PIWIL2: variants seen among roughly 807,000 people sequenced by gnomAD.
The protein encoded by PIWIL2 is piwi-like protein 2.
PIWIL2 carries 81 observed loss-of-function variants against 116.5 expected under a neutral mutation model. The observed-to-expected ratio is 0.70, with a 90% confidence interval of 0.58 to 0.84. The LOEUF (loss-of-function observed/expected upper bound fraction) is 0.84, where lower values mean the gene tolerates loss of function less well. Ranked by LOEUF, PIWIL2 falls within the 40% of genes least tolerant of loss-of-function variation. PIWIL2 has a pLI of 0.00. For synonymous variants in PIWIL2, 489 were observed against 429.5 expected (o/e 1.14, Z -1.71); for missense variants, 1,272 against 1,212.3 (o/e 1.05, Z -0.73).
At chr8:22,322,025 T>G (rs1422818131) in intron 20 of PIWIL2, 6 of 980,014 alleles carry the variant, frequency 6.1e-6, no homozygotes, top group Non-Finnish European at 7.3e-6. Context: ...GTTTTGGTTT[T>G]TTTTTTTGTA....
chr8:22,301,374 C>CGGTA (rs1330985756), intron 10 of PIWIL2, among the ~76,000 whole-genome samples: 1 of 152,068 alleles, frequency 6.6e-6, no homozygotes, highest in Admixed American at 6.6e-5. Flanking sequence ...TCTCAGCTCA[C>CGGTA]GGTAGCCTCT....
chr8:22,287,600 T>G lies in PIWIL2; in HGVS notation c.816T>G (p.Thr272=), dbSNP rs752190438. The part of the protein sequence containing the change: ...KDHQAVTGNV[T]AFDGSILYLP... ...ATCAAGCTGTCACCGGCAACGTCACTGCGTTTGATGGATCTATTCTCTATC... is the reference window on the plus strand; with the variant it reads ...ATCAAGCTGTCACCGGCAACGTCACGGCGTTTGATGGATCTATTCTCTATC... Residue 272 remains threonine, a synonymous_variant, in exon 7 of 23, where the codon ACT becomes ACG. Transcript: ENST00000356766. The G allele has an allele frequency of 1.6e-5, 26 of 1,613,288 alleles. No homozygotes were observed. Among genetic ancestry groups the G allele is most frequent in the Non-Finnish European group, 2.2e-5 (26 of 1,179,292 alleles).
chr8:22,279,191 A>G, intron 1 of PIWIL2, 150 bp from the exon 2 acceptor site: 1 of 579,282 alleles, frequency 1.7e-6, no homozygotes, highest in South Asian at 2.0e-5. Flanking sequence ...AGAATATTAC[A>G]GATCAAATAG....
chr8:22,337,316 A>G (rs979629287), intron 20 of PIWIL2, among the ~76,000 whole-genome samples: 2 of 152,206 alleles, frequency 1.3e-5, no homozygotes, highest in African/African-American at 4.8e-5. Flanking sequence ...TGAAGATACA[A>G]GATCAGTATA....
At position 22,330,622 on chromosome 8, in the gene PIWIL2, G is replaced by A. The variant is rs543035061; in HGVS notation, c.2403+12347G>A. On this transcript the variant is annotated intron_variant, in intron 20 of 22. Coordinates refer to ENST00000356766, the MANE Select transcript of PIWIL2 (RefSeq NM_018068.5). The stretch of plus-strand genomic sequence containing the variant: ...TGAAGCAGGAGAACTGCTTGAACCT[G>A]GGAGGCGGAGGTTGCAGTGAGCCGA... 4.6e-5 allele frequency among the ~76,000 whole-genome samples: 7 copies of A among 151,658 alleles called. No individual in the cohort carries two copies. The South Asian group carries it at 1.5e-3, about 32-fold the overall frequency.
At chr8:22,351,472 T>TAC (rs1328432690) in intron 20 of PIWIL2, among the ~76,000 whole-genome samples, 3 of 108,014 alleles carry the variant, frequency 2.8e-5, no homozygotes, top group African/African-American at 1.1e-4. Flanking sequence ...TATATATATA[T>TAC]ATATATATAT....
chr8:22,344,389 T>C (rs945954528), intron 20 of PIWIL2, among the ~76,000 whole-genome samples: 3 of 152,172 alleles, frequency 2.0e-5, no homozygotes, highest in Non-Finnish European at 4.4e-5. Context: ...CATAATGCAA[T>C]ATGATAACAA....
rs199910212 is a variant in PIWIL2, at chr8:22,281,374, C to T, written c.287-3C>T. On this transcript the variant is annotated splice_polypyrimidine_tract_variant and splice_region_variant and intron_variant, in intron 3 of 22. Coordinates refer to ENST00000356766, the MANE Select transcript of PIWIL2 (RefSeq NM_018068.5). ...ATTGCTGGGGTTCGGTTCTTTCTTT[C>T]AGGTAGAGGCATTTTAGGTCGAGGC... The T allele has an allele frequency of 7.3e-5, 118 of 1,607,144 alleles. No individual in the cohort carries two copies. The highest frequency in any genetic ancestry group is 9.1e-5 in the Non-Finnish European group (107 of 1,178,466).
chr8:22,307,738 C>T (rs1181151101), intron 13 of PIWIL2, among the ~76,000 whole-genome samples, 195 bp from the exon 14 acceptor site: 1 of 152,090 alleles, frequency 6.6e-6, no homozygotes, highest in Non-Finnish European at 1.5e-5. Context: ...CCACCCACCT[C>T]ATCCTTCCAA....
In PIWIL2 at chr8:22,323,033, C is replaced by T. The variant is rs577098577; in HGVS notation, c.2403+4758C>T. 4.2e-4 allele frequency among the ~76,000 whole-genome samples: 64 copies of T among 151,714 alleles called. 1 individual carries two copies. The highest frequency in any genetic ancestry group is 1.5e-3 in the African/African-American group (64 of 41,354). ...CCCGGTTCAAGCACTTCTGCCTCAG[C>T]CTTCCGAGTAGCTGGGACCACAGGC... On this transcript the variant is annotated intron_variant, in intron 20 of 22. Transcript: ENST00000356766.
Position 22,315,047 on chromosome 8 carries a change from AT to A in PIWIL2, c.2112del (p.Ile704MetfsTer33). 1 of 1,612,696 alleles carries A rather than the reference AT, an allele frequency of 6.2e-7. No individual in the cohort carries two copies. Among genetic ancestry groups the A allele is most frequent in the Non-Finnish European group, 8.5e-7 (1 of 1,178,746 alleles). The stretch of plus-strand genomic sequence containing the variant: ...ATTATAGGTTGTCAATGTTCGAACC[AT>A]TGGTCAGCCCACCAGGCTTCGGAGT... Reference protein sequence around the residue: ...VPSQVVNVRTIGQPTRLRSVA... With the variant: ...VPSQVVNVRTXGQPTRLRSVA... On this transcript the variant is annotated frameshift_variant, in exon 18 of 23. Coordinates refer to ENST00000356766, the MANE Select transcript of PIWIL2 (RefSeq NM_018068.5). LOFTEE classifies it high-confidence loss of function.
chr8:22,334,060 G>A (rs773972088), intron 20 of PIWIL2, among the ~76,000 whole-genome samples: 20 of 150,950 alleles, frequency 1.3e-4, no homozygotes, highest in Non-Finnish European at 2.2e-4. Flanking sequence ...TGCAACCTCC[G>A]CCTTGTGGGT....
At chr8:22,344,450 G>A (rs1403873181) in intron 20 of PIWIL2, among the ~76,000 whole-genome samples, 1 of 152,154 alleles carries the variant, frequency 6.6e-6, no homozygotes, top group African/African-American at 2.4e-5. Context: ...AGGGCATATG[G>A]GAACTCTGTT....
intron 20 of PIWIL2, among the ~76,000 whole-genome samples, chr8:22,342,990 C>G (rs1586595654): frequency 6.6e-6 from 1 of 152,098 alleles, no homozygotes; most frequent in South Asian, 2.1e-4. Flanking sequence ...TAGATAAGGC[C>G]GGGTGTGGTG....
intron 5 of PIWIL2, 58 bp from the exon 6 acceptor site, chr8:22,284,100 GGTTA>G (rs1830577457): frequency 1.3e-6 from 1 of 781,234 alleles, no homozygotes; most frequent in South Asian, 1.7e-5. Flanking sequence ...TGTGTGGGTT[GGTTA>G]GTTATTTTGT....
chr8:22,321,920 A>G (rs1043144512), intron 20 of PIWIL2: 4 of 985,180 alleles, frequency 4.1e-6, no homozygotes, highest in East Asian at 1.1e-4. Context: ...CCCATTTTGC[A>G]TCACGGCTCG....
Position 22,350,943 on chromosome 8 carries a change from C to T in PIWIL2, c.2404-2016C>T, listed in dbSNP as rs184198534. On this transcript the variant is annotated intron_variant, in intron 20 of 22. Transcript: ENST00000356766. ...ATGACCTGAGGTCAGGAGTTTGAGA[C>T]CAGCCTGCCCTACGTGGCAAAACCC... is the stretch of plus-strand genomic sequence containing the variant. 3.3e-4 allele frequency among the ~76,000 whole-genome samples: 50 copies of T among 152,232 alleles called. 1 individual carries two copies. Among genetic ancestry groups the T allele is most frequent in the Non-Finnish European group, 1.2e-4 (8 of 68,016 alleles).
chr8:22,284,195 A>G lies in PIWIL2; in HGVS notation c.666A>G (p.Thr222=). The part of the protein sequence containing the change: ...ELIVKQGSKG[T]PQSLGLNLVK... ...TTGTGAAGCAAGGATCAAAAGGAAC[A>G]CCTCAGTCTTTGGGACTGAACCTCG... is the stretch of plus-strand genomic sequence containing the variant. Residue 222 remains threonine, a synonymous_variant, in exon 6 of 23, where the codon ACA becomes ACG. Transcript: ENST00000356766. 2 of 1,600,184 alleles carry G rather than the reference A, an allele frequency of 1.2e-6. No homozygotes were observed. The highest frequency in any genetic ancestry group is 2.3e-5 in the South Asian group (2 of 88,464).
chr8:22,351,436 CATACATATATATATAT>C (rs1209524145), intron 20 of PIWIL2, among the ~76,000 whole-genome samples: 743 of 46,260 alleles, frequency 0.016, 55 homozygotes, highest in South Asian at 0.051. Flanking sequence ...ACAGTGCATA[CATACATATATATATAT>C]ATATATATAT....
Sources: gnomAD v4.1 joint callset for allele counts (sites outside exome capture counted in the v4.1 genomes callset) on GRCh38, gnomAD v4.1.1 for gene constraint, MANE v1.5 for transcripts, NCBI Gene and HGNC (gene_info 2026-07-23, HGNC 2026-07-21) for gene names.